The following MYH7 variants were observed in gnomAD, a reference collection of about 807,000 sequenced individuals.
The protein encoded by MYH7 is myosin heavy chain 7.
Under a neutral mutation model 225.4 loss-of-function variants are expected in MYH7, and 129 were observed. The ratio of observed to expected loss-of-function variants is 0.57; its 90% CI spans 0.50 to 0.66. The LOEUF is 0.66. Among genes scored for constraint, MYH7 ranks in the 30% least tolerant of loss-of-function variants. MYH7 has a pLI of 0.00. For synonymous variants in MYH7, 971 were observed against 1,007.6 expected (o/e 0.96, Z 0.69); for missense variants, 1,649 against 2,517.0 (o/e 0.66, Z 7.38).
intron 30 of MYH7, chr14:23,417,942 C>A: frequency 1.2e-6 from 1 of 865,784 alleles, no homozygotes; most frequent in Non-Finnish European, 2.0e-6. Context: ...CAGCCCTCCC[C>A]ACTGCCTTTC....
chr14:23,429,240 T>G lies in MYH7; in HGVS notation c.1246A>C (p.Asn416His), dbSNP rs563668308. The G allele has an allele frequency of 1.2e-6, 2 of 1,614,186 alleles. No individual in the cohort carries two copies. The highest frequency in any genetic ancestry group is 1.7e-5 in the Admixed American group (1 of 60,026). Residue 416 changes from asparagine to histidine, a missense_variant, in exon 13 of 40, where the codon AAT becomes CAT. By Grantham distance (68) the Asn-to-His change is moderately conservative. Transcript: ENST00000355349. ...GAAGATGGACCCACCTGCTGGACAT[T>G]CTGCCCCTTGGTGACGTACTCATTG... ...VGNEYVTKGQ[N>H]VQQVIYATGA...
rs1271751767 is a variant in MYH7, at chr14:23,415,462, C to G, written c.5202G>C (p.Leu1734=). The change falls in exon 36 of 40, where the codon CTG becomes CTC. Residue 1734 remains leucine, a synonymous_variant. Coordinates refer to ENST00000355349, the MANE Select transcript of MYH7 (RefSeq NM_000257.4). This position sits in a 1 kb window ranked among gnomAD's most constrained non-coding sequence, Gnocchi z 6.3. ...CCTCCACTTCAGTCTGGAGCTGGGACAGGTCAGCATCCATCTTCTTCTTCT... is the reference window on the plus strand; with the variant it reads ...CCTCCACTTCAGTCTGGAGCTGGGAGAGGTCAGCATCCATCTTCTTCTTCT... The part of the protein sequence containing the change: ...INQKKKMDAD[L]SQLQTEVEEA... 3 of 1,614,228 alleles carry G rather than the reference C, an allele frequency of 1.9e-6. No homozygotes were observed. Among genetic ancestry groups the G allele is most frequent in the Non-Finnish European group, 2.5e-6 (3 of 1,180,046 alleles).
chr14:23,426,133 C>T, intron 18 of MYH7, 52 bp from the exon 19 acceptor site: 1 of 1,600,340 alleles, frequency 6.2e-7, no homozygotes, highest in South Asian at 1.1e-5. Flanking sequence ...GACTGAAGTT[C>T]TGGGTTCTGA....
Position 23,425,078 on chromosome 14 carries a change from G to A in MYH7, c.2424-54C>T. 6.2e-7 allele frequency: 1 copy of A among 1,613,676 alleles called. No individual in the cohort carries two copies. The highest frequency in any genetic ancestry group is 8.5e-7 in the Non-Finnish European group (1 of 1,179,926). ...AGCCTCCTGCCTCCTTCCTACCTGA[G>A]GTCCTGAAACCTTGGGAATATCCCA... is the stretch of plus-strand genomic sequence containing the variant. On this transcript the variant is annotated intron_variant, in intron 21 of 39. Transcript: ENST00000355349. The surrounding 1 kb of genome is among the most constrained non-coding windows in gnomAD (Gnocchi z 4.6).
Position 23,417,616 on chromosome 14 carries a change from G to T in MYH7, c.4240C>A (p.Leu1414Met), listed in dbSNP as rs201895208. 5 of 1,612,938 alleles carry T rather than the reference G, an allele frequency of 3.1e-6. No homozygotes were observed. Among genetic ancestry groups the T allele is most frequent in the Non-Finnish European group, 4.2e-6 (5 of 1,180,042 alleles). ...TGTAGCCGGTGCTTGGTCTTCTCCAGCGAGGAGCACTTGGCATTAACAGCC... is the reference window on the plus strand; with the variant it reads ...TGTAGCCGGTGCTTGGTCTTCTCCATCGAGGAGCACTTGGCATTAACAGCC... ...VEAVNAKCSS[L>M]EKTKHRLQNE... Residue 1414 changes from leucine (L) to methionine (M), a missense_variant, in exon 31 of 40, where the codon CTG becomes ATG. Leu to Met is a conservative substitution (Grantham distance 15, BLOSUM62 2). This residue lies in a region of MYH7 where 687 missense variants were observed against 913.8 expected (regional missense o/e 0.75). Transcript: ENST00000355349.
chr14:23,431,732 T>C (rs1892951664), intron 7 of MYH7, 29 bp downstream of exon 7: 2 of 1,614,186 alleles, frequency 1.2e-6, no homozygotes, highest in Non-Finnish European at 1.7e-6. Context: ...CTTTCTGCGG[T>C]ACAGGACCTT....
chr14:23,427,015 G>C (rs560848029), intron 17 of MYH7, 151 bp from the exon 18 acceptor site: 1 of 839,700 alleles, frequency 1.2e-6, no homozygotes, highest in Admixed American at 2.0e-5. Context: ...GGGATAAGGA[G>C]AGAGGGTGGG....
intron 15 of MYH7, among the ~76,000 whole-genome samples, 172 bp downstream of exon 15, chr14:23,428,328 G>A (rs555760315): frequency 1.2e-4 from 18 of 152,262 alleles, no homozygotes; most frequent in Admixed American, 3.3e-4. Context: ...GCTGTCCCTG[G>A]TGCCACCCTG....
At chr14:23,431,563 G>T (rs1479564209) in intron 8 of MYH7, 22 bp downstream of exon 8, 3 of 1,614,172 alleles carry the variant, frequency 1.9e-6, no homozygotes, top group South Asian at 2.2e-5. Context: ...AAGTCCCAAG[G>T]CCAAGGTCAG....
At chr14:23,417,112 C>A in intron 32 of MYH7, 41 bp downstream of exon 32, 1 of 1,614,156 alleles carries the variant, frequency 6.2e-7, no homozygotes, top group Non-Finnish European at 8.5e-7. Flanking sequence ...GGGAACACTG[C>A]CAGTGCAGCC....
chr14:23,433,372 G>A lies in MYH7; in HGVS notation c.202-145C>T, dbSNP rs1893024913. 2 of 1,438,004 alleles carry A rather than the reference G, an allele frequency of 1.4e-6. No individual in the cohort carries two copies. Among genetic ancestry groups the A allele is most frequent in the South Asian group, 1.2e-5 (1 of 84,852 alleles). The allele number at this position is 1,438,004 out of a possible 1,614,324, so 89.1% of individuals were successfully genotyped here. ...ACAGGGAAGACAGAAGGGATATTGGGAAGGAGAGGGCTCTTTGGAGGGTCT... is the reference window on the plus strand; with the variant it reads ...ACAGGGAAGACAGAAGGGATATTGGAAAGGAGAGGGCTCTTTGGAGGGTCT... On this transcript the variant is annotated intron_variant, in intron 3 of 39. Transcript: ENST00000355349. This position sits in a 1 kb window ranked among gnomAD's most constrained non-coding sequence, Gnocchi z 4.1.
chr14:23,426,138 T>A lies in MYH7; in HGVS notation c.2045-57A>T, dbSNP rs1481572557. On this transcript the variant is annotated intron_variant, in intron 18 of 39. Transcript: ENST00000355349. The stretch of plus-strand genomic sequence containing the variant: ...GAGAACACTGGACTGAAGTTCTGGG[T>A]TCTGATCCTGGCTTTGTCACTGATT... 5 of 1,591,144 alleles carry A rather than the reference T, an allele frequency of 3.1e-6. No homozygotes were observed. In the African/African-American group the frequency reaches 6.7e-5, roughly 21 times the overall value.
rs771723367 is a variant in MYH7 at position 23,431,845 on chromosome 14, T to C, written c.555A>G (p.Thr185=). 1.2e-6 allele frequency: 2 copies of C among 1,614,258 alleles called. No homozygotes were observed. The highest frequency in any genetic ancestry group is 2.2e-5 in the South Asian group (2 of 91,090). The change falls in exon 7 of 40, where the codon ACA becomes ACG. Residue 185 remains threonine, a synonymous_variant. Transcript: ENST00000355349. ...LITGESGAGK[T]VNTKRVIQYF... ...ACTGGATGACCCTCTTGGTGTTGAC[T>C]GTCTTCCCTGCTCCGGATTCTCCGC...
At position 23,415,268 on chromosome 14, in the gene MYH7, G is replaced by A. The variant is rs771432461; in HGVS notation, c.5286C>T (p.Ala1762=). The change falls in exon 37 of 40, where the codon GCC becomes GCT. Residue 1762 remains alanine, a splice_region_variant and synonymous_variant. Coordinates refer to ENST00000355349, the MANE Select transcript of MYH7 (RefSeq NM_000257.4). This position sits in a 1 kb window ranked among gnomAD's most constrained non-coding sequence, Gnocchi z 6.3. ...EEKAKKAITD[A]AMMAEELKKE... ...TCTTCAGCTCCTCTGCCATCATGGC[G>A]GCCTGTGTGCAGGAGAGAGGTGGCA... 1.1e-5 allele frequency: 18 copies of A among 1,614,114 alleles called. No homozygotes were observed. Among genetic ancestry groups the A allele is most frequent in the East Asian group, 8.9e-5 (4 of 44,894 alleles).
At position 23,425,460 on chromosome 14, in the gene MYH7, C is replaced by T. The variant is rs567052048; in HGVS notation, c.2287-42G>A. The T allele has an allele frequency of 3.5e-5, 56 of 1,613,464 alleles. No individual in the cohort carries two copies. The Admixed American group carries it at 4.0e-4, about 12-fold the overall frequency. On this transcript the variant is annotated intron_variant, in intron 20 of 39. Transcript: ENST00000355349. This position sits in a 1 kb window ranked among gnomAD's most constrained non-coding sequence, Gnocchi z 4.6. ...TGTTGGCCATGACTAGGGAGGGGTACGAGGGAAAGAGATGGTGGGGATTAC... is the reference window on the plus strand; with the variant it reads ...TGTTGGCCATGACTAGGGAGGGGTATGAGGGAAAGAGATGGTGGGGATTAC...
chr14:23,418,251 C>G lies in MYH7; in HGVS notation c.4128G>C (p.Glu1376Asp), dbSNP rs1892309739. 1 of 1,613,630 alleles carries G rather than the reference C, an allele frequency of 6.2e-7. No homozygotes were observed. ...CCTCAGTCCGCTGAATGGCGTCCGT[C>G]TCATACTTGGTCCTCCACTGGGCCA... ...SEVAQWRTKY[E>D]TDAIQRTEEL... Residue 1376 changes from glutamate to aspartate, a missense_variant, in exon 30 of 40, where the codon GAG becomes GAC. Coordinates refer to ENST00000355349, the MANE Select transcript of MYH7 (RefSeq NM_000257.4).
intron 16 of MYH7, 139 bp from the exon 17 acceptor site, chr14:23,427,446 C>T (rs757693392): frequency 3.9e-4 from 565 of 1,460,292 alleles, no homozygotes; most frequent in Non-Finnish European, 5.0e-4. Context: ...TCAGTTTCTT[C>T]ACCCAGTTCC....
chr14:23,424,883 C>G lies in MYH7; in HGVS notation c.2565G>C (p.Glu855Asp). The G allele has an allele frequency of 6.2e-7, 1 of 1,614,254 alleles. No homozygotes were observed. The change falls in exon 22 of 40, where the codon GAG becomes GAC. Residue 855 changes from glutamate (E) to aspartate (D), a missense_variant. Glu to Asp is a conservative substitution (Grantham distance 45). Coordinates refer to ENST00000355349, the MANE Select transcript of MYH7 (RefSeq NM_000257.4). ...REKEMASMKE[E>D]FTRLKEALEK... ...CTAGCGCCTCTTTGAGGCGTGTGAACTCCTCCTTCATGGAGGCCATCTCCT... is the reference window on the plus strand; with the variant it reads ...CTAGCGCCTCTTTGAGGCGTGTGAAGTCCTCCTTCATGGAGGCCATCTCCT...
At position 23,428,684 on chromosome 14, in the gene MYH7, G is replaced by A; in HGVS notation, c.1408-14C>T. On this transcript the variant is annotated splice_polypyrimidine_tract_variant and intron_variant, in intron 14 of 39. Coordinates refer to ENST00000355349, the MANE Select transcript of MYH7 (RefSeq NM_000257.4). The stretch of plus-strand genomic sequence containing the variant: ...AAAGCTGTTGAACTGCAGGGGGCAT[G>A]AGGGGTGGGAGCAGTCAGAAAGTGG... 6.2e-7 allele frequency: 1 copy of A among 1,614,072 alleles called. No homozygotes were observed. The highest frequency in any genetic ancestry group is 8.5e-7 in the Non-Finnish European group (1 of 1,179,934).
Sources: allele counts gnomAD v4.1 joint callset (sites outside exome capture counted in the v4.1 genomes callset), GRCh38; gene constraint gnomAD v4.1.1; regional missense constraint gnomAD v4.1.1; non-coding constraint Gnocchi (gnomAD v3.1); transcripts MANE v1.5; gene names NCBI Gene and HGNC (gene_info 2026-07-23, HGNC 2026-07-21).